NCK1: variants seen among roughly 807,000 people sequenced by gnomAD.
NCK1 encodes NCK adaptor protein 1.
In NCK1, 19 loss-of-function variants were observed where a neutral mutation model predicts 36.6. That is an observed-to-expected ratio of 0.52 (90% confidence interval 0.36 to 0.76). NCK1 has a LOEUF of 0.76. Among genes scored for constraint, NCK1 ranks in the 30% least tolerant of loss-of-function variants. NCK1 has a pLI of 0.00. For synonymous variants in NCK1, 165 were observed against 156.0 expected (o/e 1.06, Z -0.43); for missense variants, 358 against 445.6 (o/e 0.80, Z 1.77).
chr3:136,937,931 A>G (rs1203706404), intron 2 of NCK1, among the ~76,000 whole-genome samples: 4 of 110,256 alleles, frequency 3.6e-5, no homozygotes, highest in Admixed American at 1.1e-4. Flanking sequence ...TTCCAATACA[A>G]TGTTAAATAA....
intron 1 of NCK1, among the ~76,000 whole-genome samples, chr3:136,876,855 A>G (rs763324425): frequency 1.3e-5 from 2 of 152,164 alleles, no homozygotes; most frequent in African/African-American, 2.4e-5. Context: ...CCTAAGATCA[A>G]TTTCTAAATG....
intron 2 of NCK1, among the ~76,000 whole-genome samples, chr3:136,931,086 G>A (rs1940378792): frequency 6.6e-6 from 1 of 151,470 alleles, no homozygotes; most frequent in Non-Finnish European, 1.5e-5. Context: ...TTTAATTAAT[G>A]TAGTATTGCT....
intron 1 of NCK1, among the ~76,000 whole-genome samples, chr3:136,869,252 A>T (rs971982540): frequency 1.9e-4 from 29 of 151,334 alleles, no homozygotes; most frequent in African/African-American, 4.6e-4. Flanking sequence ...AAAAAAAAAA[A>T]TTTTATTTGT....
chr3:136,911,271 A>C (rs1251163882), intron 1 of NCK1, among the ~76,000 whole-genome samples: 2 of 152,166 alleles, frequency 1.3e-5, no homozygotes, highest in African/African-American at 4.8e-5. Context: ...ATATACCCAG[A>C]AGTGGGATTG....
At chr3:136,932,118 CAAAAAA>C (rs1288026754) in intron 2 of NCK1, among the ~76,000 whole-genome samples, 1 of 59,316 alleles carries the variant, frequency 1.7e-5, no homozygotes, top group African/African-American at 5.9e-5. Flanking sequence ...GACTCCATCT[CAAAAAA>C]AAAAAAAAAA....
chr3:136,914,807 T>C (rs1292639645), intron 1 of NCK1, among the ~76,000 whole-genome samples: 3 of 152,176 alleles, frequency 2.0e-5, no homozygotes, highest in Non-Finnish European at 4.4e-5. Context: ...TTGATCCCCA[T>C]GTTGGAAGTG....
rs1940883243 is a variant in NCK1 at position 136,948,352 on chromosome 3, A to G, written c.1033A>G (p.Lys345Glu). The G allele has an allele frequency of 1.2e-6, 2 of 1,613,276 alleles. No individual in the cohort carries two copies. The highest frequency in any genetic ancestry group is 1.7e-6 in the Non-Finnish European group (2 of 1,179,472). The change falls in exon 4 of 4, where the codon AAA becomes GAA. Residue 345 changes from lysine to glutamate, a missense_variant. Physicochemically the swap from Lys to Glu is moderately conservative, Grantham distance 56 (BLOSUM62 1). Transcript: ENST00000481752. ...KETVYCIGQRKFSTMEELVEH... is the reference protein window; with the variant it reads ...KETVYCIGQREFSTMEELVEH... ...GACTGTCTACTGCATTGGGCAGCGT[A>G]AATTCAGCACCATGGAAGAACTTGT...
At chr3:136,862,537 C>A (rs1190437226) in intron 1 of NCK1, among the ~76,000 whole-genome samples, 184 bp downstream of exon 1, 1 of 152,252 alleles carries the variant, frequency 6.6e-6, no homozygotes, top group East Asian at 1.9e-4. Flanking sequence ...GTCCAGACTT[C>A]TGCACCGGGA....
At chr3:136,889,767 C>T (rs1009987181) in intron 1 of NCK1, among the ~76,000 whole-genome samples, 4 of 152,280 alleles carry the variant, frequency 2.6e-5, no homozygotes, top group South Asian at 2.1e-4. Flanking sequence ...TAGCTAGCTA[C>T]GGAGTGTCGA....
At position 136,912,216 on chromosome 3, in the gene NCK1, G is replaced by T. The variant is rs1465058869; in HGVS notation, c.-18-15768G>T. 9.2e-5 allele frequency among the ~76,000 whole-genome samples: 13 copies of T among 141,714 alleles called. No homozygotes were observed. The Admixed American group carries it at 9.3e-4, about 10-fold the overall frequency. 93.0% of individuals were successfully genotyped at this position (141,714 alleles called of 152,430 possible). On this transcript the variant is annotated intron_variant, in intron 1 of 3. Coordinates refer to ENST00000481752, the MANE Select transcript of NCK1 (RefSeq NM_001291999.2). ...CTCGCTCTGTCACCCAGGCTGGAGT[G>T]CAGTGGTGTGATCTTGGCTCACTGC... is the stretch of plus-strand genomic sequence containing the variant.
chr3:136,869,485 C>G (rs949735721), intron 1 of NCK1, among the ~76,000 whole-genome samples: 1 of 152,026 alleles, frequency 6.6e-6, no homozygotes, highest in Non-Finnish European at 1.5e-5. Flanking sequence ...GCAGGGGTTG[C>G]GGGGTTGTGA....
chr3:136,890,398 C>A (rs974186782), intron 1 of NCK1, among the ~76,000 whole-genome samples: 10 of 152,182 alleles, frequency 6.6e-5, no homozygotes, highest in Admixed American at 6.5e-4. Context: ...CACCTCCCCC[C>A]AAGCTGAGGG....
At chr3:136,863,372 C>G (rs183226071) in intron 1 of NCK1, among the ~76,000 whole-genome samples, 42 of 152,334 alleles carry the variant, frequency 2.8e-4, no homozygotes, top group Admixed American at 2.3e-3. Flanking sequence ...TGCCTAGACT[C>G]TCAGCCTTCG....
At chr3:136,921,785 G>GT (rs113934076) in intron 1 of NCK1, among the ~76,000 whole-genome samples, 5 of 152,110 alleles carry the variant, frequency 3.3e-5, no homozygotes, top group African/African-American at 9.6e-5. Context: ...AAGAAAGATG[G>GT]TTTTTTTGTT....
At chr3:136,862,394 C>A (rs926687676) in intron 1 of NCK1, 41 bp downstream of exon 1, 4 of 152,584 alleles carry the variant, frequency 2.6e-5, no homozygotes, top group South Asian at 2.1e-4. Context: ...CACACACCCC[C>A]CTTCAGTCCG....
rs1004778596 is a variant in NCK1, at chr3:136,862,260, A to C, written c.-112A>C. 4 of 152,644 alleles carry C rather than the reference A, an allele frequency of 2.6e-5. No individual in the cohort carries two copies. Among genetic ancestry groups the C allele is most frequent in the Non-Finnish European group, 5.9e-5 (4 of 68,184 alleles). The allele number at this position is 152,644 out of a possible 1,614,324, so 9.5% of individuals were successfully genotyped here. On this transcript the variant is annotated 5_prime_UTR_variant, in exon 1 of 4. Coordinates refer to ENST00000481752, the MANE Select transcript of NCK1 (RefSeq NM_001291999.2). ...GAGCTACGCGGCGGCGGCGGAGCGC[A>C]GGCCTCGTGCCGTTACGGCCATCAC...
intron 1 of NCK1, among the ~76,000 whole-genome samples, chr3:136,910,534 C>A (rs547768383): frequency 6.6e-6 from 1 of 152,194 alleles, no homozygotes; most frequent in African/African-American, 2.4e-5. Context: ...AGCTTTTATA[C>A]TTGCCCATGC....
intron 2 of NCK1, among the ~76,000 whole-genome samples, chr3:136,936,174 G>A (rs1226827631): frequency 6.6e-6 from 1 of 151,790 alleles, no homozygotes; most frequent in African/African-American, 2.4e-5. Flanking sequence ...CCAAGTAGCT[G>A]GGATTACAGG....
chr3:136,912,717 G>A lies in NCK1; in HGVS notation c.-18-15267G>A, dbSNP rs115430495. On this transcript the variant is annotated intron_variant, in intron 1 of 3. Transcript: ENST00000481752. ...GGTTGGAGTTTGGCTGTGTGATCAC[G>A]GTTCATGGGCTCACTGCAGCCTCAA... is the stretch of plus-strand genomic sequence containing the variant. Among the ~76,000 whole-genome samples the A allele has an allele frequency of 3.6e-3, 551 of 151,726 alleles. 2 individuals are homozygous for A. The highest frequency in any genetic ancestry group is 0.01 in the African/African-American group (422 of 41,350).
Sources: gnomAD v4.1 joint callset for allele counts (sites outside exome capture counted in the v4.1 genomes callset) on GRCh38, gnomAD v4.1.1 for gene constraint, MANE v1.5 for transcripts, NCBI Gene and HGNC (gene_info 2026-07-23, HGNC 2026-07-21) for gene names.